NKAIN1: variants seen among roughly 807,000 people sequenced by gnomAD.
NKAIN1 encodes the protein sodium/potassium transporting ATPase interacting 1.
Under a neutral mutation model 31.6 loss-of-function variants are expected in NKAIN1, and 13 were observed. The observed-to-expected ratio is 0.41, with a 90% confidence interval of 0.27 to 0.65. NKAIN1 has a LOEUF of 0.65. NKAIN1 is among the 30% of genes least tolerant of loss of function. The pLI is 0.30. For synonymous variants in NKAIN1, 104 were observed against 109.0 expected (o/e 0.95, Z 0.28); for missense variants, 193 against 262.2 (o/e 0.74, Z 1.82).
chr1:31,196,296 G>A (rs1310551305), intron 1 of NKAIN1, among the ~76,000 whole-genome samples: 6 of 151,968 alleles, frequency 3.9e-5, no homozygotes, highest in African/African-American at 9.7e-5. Flanking sequence ...GGTGGATCAC[G>A]AGGTCAGGAG....
At chr1:31,183,746 C>G in intron 4 of NKAIN1, 71 bp downstream of exon 4, 1 of 1,508,028 alleles carries the variant, frequency 6.6e-7, no homozygotes, top group Non-Finnish European at 9.0e-7. Context: ...CTGCGCCCAA[C>G]CCATCCCCTC....
chr1:31,195,131 T>G (rs2148352633), intron 1 of NKAIN1, among the ~76,000 whole-genome samples: 1 of 148,172 alleles, frequency 6.7e-6, no homozygotes, highest in African/African-American at 2.5e-5. Context: ...CTCCTTTTTT[T>G]TTTTTTTTTT....
chr1:31,225,325 CTTTTT>C (rs139451212), intron 1 of NKAIN1, among the ~76,000 whole-genome samples: 837 of 52,146 alleles, frequency 0.016, 13 homozygotes, highest in African/African-American at 0.053. Context: ...CATGCCCGGC[CTTTTT>C]TTTTTTTTTT....
At chr1:31,197,816 G>A (rs547664091) in intron 1 of NKAIN1, among the ~76,000 whole-genome samples, 1 of 152,162 alleles carries the variant, frequency 6.6e-6, no homozygotes, top group South Asian at 2.1e-4. Context: ...CAAAGTGTTG[G>A]GATTACAGGC....
intron 1 of NKAIN1, among the ~76,000 whole-genome samples, chr1:31,198,956 A>T (rs988851033): frequency 1.3e-5 from 2 of 152,218 alleles, no homozygotes; most frequent in African/African-American, 4.8e-5. Flanking sequence ...AAGGTAGCGT[A>T]GGGCCCAGGC....
chr1:31,219,195 G>A (rs1645542479), intron 1 of NKAIN1, among the ~76,000 whole-genome samples: 1 of 152,264 alleles, frequency 6.6e-6, no homozygotes, highest in Non-Finnish European at 1.5e-5. Context: ...CAATTCCTCT[G>A]ACTTCTTGGA....
rs907862688 is a variant in NKAIN1, at chr1:31,239,650, C to G, written c.-103G>C. ...CTCCACGTCCTCCCCGCTGGGCGCG[C>G]CGGGCGGCGGGGCCGGGCGCCTAGG... On this transcript the variant is annotated 5_prime_UTR_variant, in exon 1 of 7. Coordinates refer to ENST00000373736, the MANE Select transcript of NKAIN1 (RefSeq NM_024522.3). The surrounding 1 kb of genome is among the most constrained non-coding windows in gnomAD (Gnocchi z 4.8). The G allele has an allele frequency of 5.1e-6, 3 of 583,712 alleles. No individual in the cohort carries two copies. Among genetic ancestry groups the G allele is most frequent in the Non-Finnish European group, 6.5e-6 (3 of 462,894 alleles). 36.2% of individuals were successfully genotyped at this position (583,712 alleles called of 1,614,324 possible). A position where few individuals can be genotyped will look rare whatever the true frequency, so the allele number is the denominator to read the frequency against.
At chr1:31,206,497 G>A (rs936611807) in intron 1 of NKAIN1, among the ~76,000 whole-genome samples, 9 of 151,790 alleles carry the variant, frequency 5.9e-5, no homozygotes, top group Admixed American at 3.3e-4. Context: ...ATGCAGTGGC[G>A]TGATCTTGGC....
chr1:31,198,122 G>A (rs777789976), intron 1 of NKAIN1, among the ~76,000 whole-genome samples: 1 of 152,082 alleles, frequency 6.6e-6, no homozygotes, highest in Non-Finnish European at 1.5e-5. Context: ...TGCTTGTGTG[G>A]TTCACTGCCG....
chr1:31,226,336 A>G (rs1645604228), intron 1 of NKAIN1, among the ~76,000 whole-genome samples: 1 of 152,096 alleles, frequency 6.6e-6, no homozygotes, highest in South Asian at 2.1e-4. Flanking sequence ...TCCTGTAAAA[A>G]CAAGCCCCAC....
At chr1:31,196,383 G>A (rs1645327049) in intron 1 of NKAIN1, among the ~76,000 whole-genome samples, 1 of 151,976 alleles carries the variant, frequency 6.6e-6, no homozygotes, top group Non-Finnish European at 1.5e-5. Context: ...CGTGGTGGCG[G>A]GCGCCTGTAG....
intron 1 of NKAIN1, among the ~76,000 whole-genome samples, chr1:31,222,984 C>T (rs1645575211): frequency 6.6e-6 from 1 of 152,182 alleles, no homozygotes; most frequent in Non-Finnish European, 1.5e-5. Flanking sequence ...TGCGTCTTGT[C>T]CTCTTTTCTT....
Position 31,239,820 on chromosome 1 carries a change from G to C in NKAIN1, c.-273C>G, listed in dbSNP as rs929877969. On this transcript the variant is annotated 5_prime_UTR_variant, in exon 1 of 7. Coordinates refer to ENST00000373736, the MANE Select transcript of NKAIN1 (RefSeq NM_024522.3). The surrounding 1 kb of genome is among the most constrained non-coding windows in gnomAD (Gnocchi z 4.8). ...TCCGTCAGGCGCGCCTCCTGCCCCG[G>C]GGCGGCTGGCGGGGAGCGCGGAGCA... 6.6e-6 allele frequency among the ~76,000 whole-genome samples: 1 copy of C among 151,928 alleles called. No individual in the cohort carries two copies. The highest frequency in any genetic ancestry group is 1.5e-5 in the Non-Finnish European group (1 of 67,926).
intron 1 of NKAIN1, among the ~76,000 whole-genome samples, chr1:31,213,634 C>G (rs144266135): frequency 6.6e-6 from 1 of 152,322 alleles, no homozygotes; most frequent in Non-Finnish European, 1.5e-5. Flanking sequence ...ATGCTCATAG[C>G]AGCATTATTC....
At chr1:31,214,040 T>A (rs1645491872) in intron 1 of NKAIN1, among the ~76,000 whole-genome samples, 1 of 130,712 alleles carries the variant, frequency 7.7e-6, no homozygotes, top group Non-Finnish European at 1.7e-5. Flanking sequence ...ATTAATTAAT[T>A]AAACAAAATA....
At chr1:31,216,896 G>T (rs12136121) in intron 1 of NKAIN1, among the ~76,000 whole-genome samples, 1 of 151,162 alleles carries the variant, frequency 6.6e-6, no homozygotes, top group Non-Finnish European at 1.5e-5. Flanking sequence ...GATGGAGGCT[G>T]TCTGTGTTGC....
intron 5 of NKAIN1, 47 bp from the exon 6 acceptor site, chr1:31,181,988 G>T: frequency 6.5e-7 from 1 of 1,549,064 alleles, no homozygotes; most frequent in African/African-American, 1.4e-5. Flanking sequence ...GCGGGGGCGA[G>T]GAGAGGGAGA....
At position 31,180,958 on chromosome 1, in the gene NKAIN1, G is replaced by A. The variant is rs1467066337; in HGVS notation, c.*745C>T. ...GGGGCTTGGAAATGGAACTCAGAGAGCAGACACTGGGTTTTACAGTCAGAA... is the reference window on the plus strand; with the variant it reads ...GGGGCTTGGAAATGGAACTCAGAGAACAGACACTGGGTTTTACAGTCAGAA... On this transcript the variant is annotated 3_prime_UTR_variant, in exon 7 of 7. Coordinates refer to ENST00000373736, the MANE Select transcript of NKAIN1 (RefSeq NM_024522.3). The A allele has an allele frequency of 6.6e-6, 1 of 152,228 alleles. No individual in the cohort carries two copies. Among genetic ancestry groups the A allele is most frequent in the Non-Finnish European group, 1.5e-5 (1 of 68,062 alleles). The allele number at this position is 152,228 out of a possible 1,614,324, so 9.4% of individuals were successfully genotyped here. A position where few individuals can be genotyped will look rare whatever the true frequency, so the allele number is the denominator to read the frequency against.
At chr1:31,182,678 C>A in intron 4 of NKAIN1, 88 bp from the exon 5 acceptor site, 2 of 1,452,102 alleles carry the variant, frequency 1.4e-6, no homozygotes, top group South Asian at 1.2e-5. Flanking sequence ...CTCTGACTGG[C>A]AAGGGAGGAG....
Sources: gnomAD v4.1 joint callset for allele counts (sites outside exome capture counted in the v4.1 genomes callset) on GRCh38, gnomAD v4.1.1 for gene constraint, Gnocchi (gnomAD v3.1) non-coding constraint, MANE v1.5 for transcripts, NCBI Gene and HGNC (gene_info 2026-07-23, HGNC 2026-07-21) for gene names.